The following PLEKHA7 variants were observed in gnomAD, a reference collection of about 807,000 sequenced individuals.
PLEKHA7 encodes the protein pleckstrin homology domain-containing family A member 7.
In PLEKHA7, 104 loss-of-function variants were observed where a neutral mutation model predicts 170.0. The observed-to-expected ratio is 0.61, with a 90% CI of 0.52 to 0.72. PLEKHA7 has a LOEUF of 0.72. Ranked by LOEUF, PLEKHA7 falls within the 30% of genes least tolerant of loss-of-function variation. The pLI, the probability that PLEKHA7 is intolerant of heterozygous loss-of-function variation, is 0.00. For synonymous variants in PLEKHA7, 648 were observed against 660.8 expected (o/e 0.98, Z 0.30); for missense variants, 1,615 against 1,671.7 (o/e 0.97, Z 0.59).
chr11:16,946,801 C>G (rs1390827010), intron 3 of PLEKHA7, among the ~76,000 whole-genome samples: 1 of 152,144 alleles, frequency 6.6e-6, no homozygotes, highest in African/African-American at 2.4e-5. Flanking sequence ...ACCCCCTCCC[C>G]CACAGAGACA....
intron 9 of PLEKHA7, among the ~76,000 whole-genome samples, chr11:16,835,866 C>G (rs1434852279): frequency 1.3e-5 from 2 of 152,218 alleles, no homozygotes; most frequent in Non-Finnish European, 2.9e-5. Context: ...CTGATGCCCT[C>G]TTTACCATGT....
At chr11:16,953,727 T>C (rs912669426) in intron 3 of PLEKHA7, among the ~76,000 whole-genome samples, 1 of 152,220 alleles carries the variant, frequency 6.6e-6, no homozygotes, top group African/African-American at 2.4e-5. Context: ...AAGGTAAGTA[T>C]ACTTGGTTGA....
At chr11:16,872,207 G>A (rs1854916264) in intron 3 of PLEKHA7, among the ~76,000 whole-genome samples, 1 of 151,940 alleles carries the variant, frequency 6.6e-6, no homozygotes, top group Non-Finnish European at 1.5e-5. Flanking sequence ...GACCTCAAGT[G>A]ACCCACCCAC....
At chr11:16,806,516 C>T (rs983380339) in intron 13 of PLEKHA7, among the ~76,000 whole-genome samples, 2 of 152,302 alleles carry the variant, frequency 1.3e-5, no homozygotes, top group East Asian at 3.9e-4. Context: ...CTCCCCTCCA[C>T]CACATCCCAA....
chr11:16,886,857 C>T (rs1007312416), intron 3 of PLEKHA7, among the ~76,000 whole-genome samples: 1 of 152,100 alleles, frequency 6.6e-6, no homozygotes, highest in Admixed American at 6.6e-5. Context: ...TGCCAATCCC[C>T]TAGTGTCTTA....
chr11:16,895,532 C>G (rs949496765), intron 3 of PLEKHA7, among the ~76,000 whole-genome samples: 1 of 152,192 alleles, frequency 6.6e-6, no homozygotes, highest in African/African-American at 2.4e-5. Context: ...GGGATGCAGA[C>G]AGCAGAGAGA....
At chr11:16,936,706 C>T (rs1860330006) in intron 3 of PLEKHA7, among the ~76,000 whole-genome samples, 1 of 152,224 alleles carries the variant, frequency 6.6e-6, no homozygotes, top group African/African-American at 2.4e-5. Context: ...AACACATTCA[C>T]CATGTGCAGA....
intron 3 of PLEKHA7, among the ~76,000 whole-genome samples, chr11:17,003,425 G>A (rs1460970630): frequency 2.0e-5 from 3 of 152,238 alleles, no homozygotes; most frequent in African/African-American, 7.2e-5. Flanking sequence ...GGACTCAGAA[G>A]TCATGTCTTC....
intron 9 of PLEKHA7, among the ~76,000 whole-genome samples, chr11:16,835,559 TG>T (rs1442195530): frequency 6.6e-6 from 1 of 152,172 alleles, no homozygotes; most frequent in Non-Finnish European, 1.5e-5. Flanking sequence ...GCAAATCCTA[TG>T]GAAGTTAATA....
At chr11:16,828,268 G>T (rs1028847654) in intron 9 of PLEKHA7, among the ~76,000 whole-genome samples, 76 of 152,148 alleles carry the variant, frequency 5.0e-4, no homozygotes, top group African/African-American at 1.8e-3. Flanking sequence ...CTGTTCTCCT[G>T]ACAGTGGGTG....
intron 3 of PLEKHA7, among the ~76,000 whole-genome samples, chr11:16,977,826 A>G (rs61129651): frequency 0.067 from 10,128 of 152,160 alleles, 929 homozygotes; most frequent in African/African-American, 0.2. Flanking sequence ...CAACTTAAGT[A>G]AGTTATTCAA....
At chr11:16,786,957 T>C in intron 23 of PLEKHA7, 1 of 985,388 alleles carries the variant, frequency 1.0e-6, no homozygotes, top group Non-Finnish European at 1.2e-6. Flanking sequence ...AAAACTGCTG[T>C]ATGAGACCCA....
intron 3 of PLEKHA7, among the ~76,000 whole-genome samples, chr11:16,913,277 C>G (rs1858387495): frequency 6.6e-6 from 1 of 152,148 alleles, no homozygotes; most frequent in South Asian, 2.1e-4. Context: ...CTGATAGACC[C>G]ACAGCATCCA....
intron 10 of PLEKHA7, among the ~76,000 whole-genome samples, chr11:16,820,500 C>A (rs1850125030): frequency 6.7e-6 from 1 of 149,556 alleles, no homozygotes; most frequent in Non-Finnish European, 1.5e-5. Flanking sequence ...CAAAGTTAGA[C>A]ACAAATGTGC....
chr11:16,907,674 G>T (rs1470996033), intron 3 of PLEKHA7, among the ~76,000 whole-genome samples: 2 of 128,478 alleles, frequency 1.6e-5, no homozygotes, highest in African/African-American at 5.6e-5. Context: ...CAGCCGCCCC[G>T]TCCGGGAGGT....
Position 16,777,876 on chromosome 11 carries a change from AG to A in PLEKHA7, c.*1121del, listed in dbSNP as rs1848774094. 2 of 152,254 alleles carry A rather than the reference AG, an allele frequency of 1.3e-5. No individual in the cohort carries two copies. Among genetic ancestry groups the A allele is most frequent in the South Asian group, 4.1e-4 (2 of 4,828 alleles). 9.4% of individuals were successfully genotyped at this position (152,254 alleles called of 1,614,324 possible). ...TCCCATCATGGCCTGGTTAGAGGGAAGGGATTTCTAGGTAGATGTCACCCAG... is the reference window on the plus strand; with the variant it reads ...TCCCATCATGGCCTGGTTAGAGGGAAGGATTTCTAGGTAGATGTCACCCAG... On this transcript the variant is annotated 3_prime_UTR_variant, in exon 27 of 27. Transcript: ENST00000531066.
At chr11:16,881,965 G>A (rs1351515917) in intron 3 of PLEKHA7, among the ~76,000 whole-genome samples, 1 of 152,178 alleles carries the variant, frequency 6.6e-6, no homozygotes, top group African/African-American at 2.4e-5. Flanking sequence ...AACGAGAAGG[G>A]CAGAGGGGTT....
chr11:16,988,091 G>A (rs1863840429), intron 3 of PLEKHA7, among the ~76,000 whole-genome samples: 1 of 152,204 alleles, frequency 6.6e-6, no homozygotes, highest in Non-Finnish European at 1.5e-5. Context: ...CTCACCTACA[G>A]GGGAAGGACT....
At chr11:16,862,198 C>G (rs1308740150) in intron 4 of PLEKHA7, among the ~76,000 whole-genome samples, 1 of 152,152 alleles carries the variant, frequency 6.6e-6, no homozygotes, top group East Asian at 1.9e-4. Flanking sequence ...TTCCTCACCC[C>G]ACTCTACCCC....
Sources: allele counts gnomAD v4.1 joint callset (sites outside exome capture counted in the v4.1 genomes callset), GRCh38; gene constraint gnomAD v4.1.1; transcripts MANE v1.5; gene names NCBI Gene and HGNC (gene_info 2026-07-23, HGNC 2026-07-21).